Variants in CCSER1 observed in about 807,000 individuals in gnomAD.
CCSER1 encodes coiled-coil serine rich protein 1, also known as serine-rich coiled-coil domain-containing protein 1.
CCSER1 carries 41 observed loss-of-function variants against 82.0 expected under a neutral mutation model. The ratio of observed to expected loss-of-function variants is 0.50; its 90% confidence interval spans 0.39 to 0.65. CCSER1 has a LOEUF of 0.65. CCSER1 is among the 30% of genes least tolerant of loss of function. The pLI is 0.00. For synonymous variants in CCSER1, 414 were observed against 383.9 expected, an observed-to-expected ratio of 1.08 and a Z score of -0.92; for missense variants, 1,119 against 1,064.2, an observed-to-expected ratio of 1.05 and a Z score of -0.72.
At chr4:90,911,232 A>G (rs1347751639) in intron 8 of CCSER1, 1 of 439,490 alleles carries the variant, frequency 2.3e-6, no homozygotes, top group South Asian at 1.7e-5. Flanking sequence ...TTATATTAAT[A>G]AAGTTTAGTG....
chr4:90,158,708 G>A lies in CCSER1; in HGVS notation c.-42+30877G>A, dbSNP rs377654490. 5.3e-5 allele frequency among the ~76,000 whole-genome samples: 8 copies of A among 152,290 alleles called. No individual in the cohort carries two copies. In the East Asian group the frequency reaches 5.8e-4, roughly 11 times the overall value. Reference sequence around the variant, plus strand: ...GGTGCGGGATATAATCTACTGCTGCGCCGTTTTTTAAGCCTGTCAGAAAAG... The same window carrying A: ...GGTGCGGGATATAATCTACTGCTGCACCGTTTTTTAAGCCTGTCAGAAAAG... On this transcript the variant is annotated intron_variant, in intron 1 of 10. Coordinates refer to ENST00000509176, the MANE Select transcript of CCSER1 (RefSeq NM_001145065.2).
chr4:91,148,774 G>T (rs1385076872), intron 10 of CCSER1, among the ~76,000 whole-genome samples: 1 of 152,090 alleles, frequency 6.6e-6, no homozygotes, highest in African/African-American at 2.4e-5. Context: ...TGAGAATGAT[G>T]GTTTCTAGCT....
chr4:91,466,637 A>G (rs1453853683), intron 10 of CCSER1, among the ~76,000 whole-genome samples: 1 of 152,236 alleles, frequency 6.6e-6, no homozygotes, highest in Non-Finnish European at 1.5e-5. Flanking sequence ...CCTTAAGCTG[A>G]TAAGCAACTT....
intron 10 of CCSER1, among the ~76,000 whole-genome samples, chr4:91,096,419 T>G (rs1309804704): frequency 6.6e-6 from 1 of 152,188 alleles, no homozygotes; most frequent in Admixed American, 6.5e-5. Context: ...GTGAGAACTT[T>G]CCTTAACTAA....
At chr4:90,455,914 T>C (rs1443965805) in intron 4 of CCSER1, among the ~76,000 whole-genome samples, 1 of 152,126 alleles carries the variant, frequency 6.6e-6, no homozygotes, top group Non-Finnish European at 1.5e-5. Context: ...TCACATCTAG[T>C]TTTTCTTTCT....
chr4:90,763,955 A>G (rs1203014821), intron 7 of CCSER1, among the ~76,000 whole-genome samples: 1 of 152,220 alleles, frequency 6.6e-6, no homozygotes, highest in Non-Finnish European at 1.5e-5. Context: ...TTATGATTTT[A>G]TAAAGAGCTT....
chr4:91,138,827 C>T (rs1728740618), intron 10 of CCSER1, among the ~76,000 whole-genome samples: 1 of 151,676 alleles, frequency 6.6e-6, no homozygotes, highest in Non-Finnish European at 1.5e-5. Flanking sequence ...CCAAAAAACA[C>T]ATGAAAAAAT....
chr4:91,288,159 T>C (rs56019928), intron 10 of CCSER1, among the ~76,000 whole-genome samples: 3,341 of 147,930 alleles, frequency 0.023, 131 homozygotes, highest in African/African-American at 0.076. Context: ...TATATATATA[T>C]ATACATACAC....
intron 9 of CCSER1, among the ~76,000 whole-genome samples, chr4:90,924,790 G>A (rs1003531995): frequency 9.2e-5 from 14 of 151,984 alleles, no homozygotes; most frequent in Non-Finnish European, 1.5e-4. Context: ...GCACTGGCGC[G>A]ATCTCGGCTC....
intron 10 of CCSER1, among the ~76,000 whole-genome samples, chr4:91,143,643 T>C (rs139124699): frequency 6.6e-6 from 1 of 152,124 alleles, no homozygotes; most frequent in African/African-American, 2.4e-5. Context: ...TAAAGTATGT[T>C]ACTTCAATGC....
At chr4:90,273,023 A>C (rs1560922936) in intron 1 of CCSER1, among the ~76,000 whole-genome samples, 1 of 109,824 alleles carries the variant, frequency 9.1e-6, no homozygotes, top group African/African-American at 4.5e-5. Context: ...ACAAACAAAC[A>C]AAAAAAAACA....
chr4:90,950,250 T>C (rs1050091993), intron 9 of CCSER1, among the ~76,000 whole-genome samples: 1 of 152,158 alleles, frequency 6.6e-6, no homozygotes, highest in African/African-American at 2.4e-5. Flanking sequence ...TATAGATATC[T>C]GTAAAAAAAT....
chr4:91,042,617 T>C lies in CCSER1; in HGVS notation c.2173-43333T>C, dbSNP rs146546060. ...ATAATCTTCCATCTAAAATCTGCTT[T>C]TTTCTTCTGTGTTGCTACGTTAGTA... On this transcript the variant is annotated intron_variant, in intron 9 of 10. Transcript: ENST00000509176. Among the ~76,000 whole-genome samples, 585 of 152,330 alleles carry C rather than the reference T, an allele frequency of 3.8e-3. 4 individuals are homozygous for C. Among genetic ancestry groups the C allele is most frequent in the African/African-American group, 0.013 (541 of 41,566 alleles).
intron 10 of CCSER1, among the ~76,000 whole-genome samples, chr4:91,300,771 C>T (rs992033539): frequency 5.3e-5 from 8 of 151,572 alleles, no homozygotes; most frequent in Non-Finnish European, 1.0e-4. Context: ...TGTTTATCGC[C>T]AAAGAGAATT....
At chr4:90,487,014 C>T (rs544421877) in intron 5 of CCSER1, among the ~76,000 whole-genome samples, 6 of 152,288 alleles carry the variant, frequency 3.9e-5, no homozygotes, top group Admixed American at 3.3e-4. Flanking sequence ...TGGGTTCAAG[C>T]AATTCTCCTG....
At chr4:91,428,687 T>A (rs544131250) in intron 10 of CCSER1, among the ~76,000 whole-genome samples, 199 of 152,208 alleles carry the variant, frequency 1.3e-3, no homozygotes, top group African/African-American at 4.6e-3. Context: ...ATATATTCTT[T>A]TAAGTATTCG....
intron 8 of CCSER1, among the ~76,000 whole-genome samples, chr4:90,830,444 A>T (rs992209596): frequency 6.6e-6 from 1 of 152,168 alleles, no homozygotes; most frequent in East Asian, 1.9e-4. Context: ...CACTCAAATT[A>T]TTTCCCACTG....
chr4:91,227,023 A>T (rs2149109188), intron 10 of CCSER1, among the ~76,000 whole-genome samples: 1 of 151,982 alleles, frequency 6.6e-6, no homozygotes, highest in Admixed American at 6.6e-5. Flanking sequence ...GCCTGACATA[A>T]CTGCACACTC....
intron 1 of CCSER1, among the ~76,000 whole-genome samples, chr4:90,167,548 T>C (rs1458548717): frequency 1.3e-5 from 2 of 152,178 alleles, no homozygotes; most frequent in African/African-American, 4.8e-5. Flanking sequence ...TATGTATACA[T>C]GTGCCATGTT....
Sources: gnomAD v4.1 joint callset for allele counts (sites outside exome capture counted in the v4.1 genomes callset) on GRCh38, gnomAD v4.1.1 for gene constraint, MANE v1.5 for transcripts, NCBI Gene and HGNC (gene_info 2026-07-23, HGNC 2026-07-21) for gene names.